The following CTNNB1 variants were observed in gnomAD, a reference collection of about 807,000 sequenced individuals.
CTNNB1 encodes catenin beta-1.
In CTNNB1, 6 loss-of-function variants were observed where a neutral mutation model predicts 82.5. That is an observed-to-expected ratio of 0.07 (90% CI 0.04 to 0.14). The LOEUF (loss-of-function observed/expected upper bound fraction) is 0.14, where lower values mean the gene tolerates loss of function less well. Ranked by LOEUF, CTNNB1 falls within the 10% of genes least tolerant of loss-of-function variation. The pLI is 1.00. For synonymous variants in CTNNB1, 312 were observed against 329.7 expected (o/e 0.95, Z 0.58); for missense variants, 529 against 980.4 (o/e 0.54, Z 6.15).
chr3:41,224,033 A>G lies in CTNNB1; in HGVS notation c.-36A>G, dbSNP rs534465078. The stretch of plus-strand genomic sequence containing the variant: ...TAACTTTTTTTAGGGTATTTGAAGT[A>G]TACCATACAACTGTTTTGAAAATCC... On this transcript the variant is annotated 5_prime_UTR_variant, in exon 2 of 15. Coordinates refer to ENST00000349496, the MANE Select transcript of CTNNB1 (RefSeq NM_001904.4). 275 of 1,611,286 alleles carry G rather than the reference A, an allele frequency of 1.7e-4. No individual in the cohort carries two copies. The highest frequency in any genetic ancestry group is 2.3e-4 in the Non-Finnish European group (266 of 1,177,458).
intron 1 of CTNNB1, among the ~76,000 whole-genome samples, chr3:41,203,863 C>A (rs907372395): frequency 1.3e-5 from 2 of 152,096 alleles, no homozygotes; most frequent in Admixed American, 1.3e-4. Flanking sequence ...GAAGCTTATT[C>A]TAAATTAGTT....
chr3:41,237,696 CCTTTT>C, intron 13 of CTNNB1: 1 of 210,852 alleles, frequency 4.7e-6, no homozygotes, highest in Non-Finnish European at 8.9e-6. Context: ...AGGCATTTTG[CCTTTT>C]TTTTTTTTTT....
chr3:41,223,577 G>T (rs1016882534), intron 1 of CTNNB1, among the ~76,000 whole-genome samples: 5 of 152,072 alleles, frequency 3.3e-5, no homozygotes, highest in African/African-American at 1.2e-4. Flanking sequence ...ACTTGTTAAA[G>T]AAAATGTGGA....
At chr3:41,211,087 C>G (rs764890679) in intron 1 of CTNNB1, 1 of 456,586 alleles carries the variant, frequency 2.2e-6, no homozygotes, top group Admixed American at 2.3e-5. Context: ...GCCACCATGT[C>G]TGGCCCACTG....
At chr3:41,231,343 G>A (rs62258386) in intron 7 of CTNNB1, among the ~76,000 whole-genome samples, 1 of 151,642 alleles carries the variant, frequency 6.6e-6, no homozygotes, top group African/African-American at 2.4e-5. Context: ...AAAAAAAAGG[G>A]AAAGAGATTG....
At chr3:41,224,122 G>T (rs775945275) in intron 2 of CTNNB1, 41 bp downstream of exon 2, 1 of 1,612,278 alleles carries the variant, frequency 6.2e-7, no homozygotes, top group South Asian at 1.1e-5. Context: ...TTGGGGCTCT[G>T]CTTCGTTGCC....
intron 1 of CTNNB1, among the ~76,000 whole-genome samples, chr3:41,216,896 CG>C (rs1300670272): frequency 6.6e-6 from 1 of 152,040 alleles, no homozygotes; most frequent in East Asian, 1.9e-4. Flanking sequence ...CACCATCCCC[CG>C]CTCACCTGGA....
chr3:41,230,092 A>C (rs980388159), intron 7 of CTNNB1, among the ~76,000 whole-genome samples: 3 of 152,196 alleles, frequency 2.0e-5, no homozygotes, highest in Non-Finnish European at 4.4e-5. Flanking sequence ...TACTTTTCTC[A>C]CTTATTGAGA....
chr3:41,236,258 A>C (rs1297498931), intron 11 of CTNNB1, 91 bp from the exon 12 acceptor site: 1 of 1,454,140 alleles, frequency 6.9e-7, no homozygotes, highest in African/African-American at 1.4e-5. Flanking sequence ...TGCCTCTTGC[A>C]CTCTGAATTG....
chr3:41,238,434 C>G (rs1317755842), intron 14 of CTNNB1: 1 of 238,138 alleles, frequency 4.2e-6, no homozygotes, highest in East Asian at 9.5e-5. Context: ...TGTTTCTAGG[C>G]TCAGATCTCG....
intron 1 of CTNNB1, among the ~76,000 whole-genome samples, chr3:41,214,407 AG>A (rs1559460771): frequency 2.0e-5 from 3 of 151,336 alleles, no homozygotes; most frequent in Non-Finnish European, 4.4e-5. Context: ...AAAAAAAAAA[AG>A]ATTTTAAAAA....
At chr3:41,229,353 A>G (rs191332474) in intron 7 of CTNNB1, among the ~76,000 whole-genome samples, 1 of 152,088 alleles carries the variant, frequency 6.6e-6, no homozygotes, top group African/African-American at 2.4e-5. Context: ...ATGTTTTTTC[A>G]TTTGTTGGTG....
intron 1 of CTNNB1, among the ~76,000 whole-genome samples, chr3:41,217,143 T>C (rs1370060395): frequency 6.6e-6 from 1 of 152,206 alleles, no homozygotes; most frequent in Non-Finnish European, 1.5e-5. Flanking sequence ...TCAAAACCTT[T>C]ACCACATTGA....
rs545245230 is a variant in CTNNB1 at position 41,227,548 on chromosome 3, C to A, written c.1081+196C>A. On this transcript the variant is annotated intron_variant, in intron 7 of 14. Coordinates refer to ENST00000349496, the MANE Select transcript of CTNNB1 (RefSeq NM_001904.4). Reference sequence around the variant, plus strand: ...ATTTAAGGCTAGTTTAGGTAGAGTTCTTATTATCCATCAAAAATGATGGCA... The same window carrying A: ...ATTTAAGGCTAGTTTAGGTAGAGTTATTATTATCCATCAAAAATGATGGCA... Among the ~76,000 whole-genome samples the A allele has an allele frequency of 5.4e-4, 82 of 152,232 alleles. 1 individual carries two copies. Among genetic ancestry groups the A allele is most frequent in the African/African-American group, 1.9e-3 (80 of 41,550 alleles).
chr3:41,201,610 A>G (rs2077531984), intron 1 of CTNNB1, among the ~76,000 whole-genome samples: 1 of 152,140 alleles, frequency 6.6e-6, no homozygotes, highest in South Asian at 2.1e-4. Flanking sequence ...TAGAAAGCTT[A>G]GTATAGCATG....
rs1210315931 is a variant in CTNNB1 at position 41,240,119 on chromosome 3, ATCAC to A, written c.*780_*783del. On this transcript the variant is annotated 3_prime_UTR_variant, in exon 15 of 15. Coordinates refer to ENST00000349496, the MANE Select transcript of CTNNB1 (RefSeq NM_001904.4). ...TAATGGTGTAGAACACTAATTCATA[ATCAC>A]TCTAATTAATTGTAATCTGAATAAA... 4 of 199,804 alleles carry A rather than the reference ATCAC, an allele frequency of 2.0e-5. No homozygotes were observed. Among genetic ancestry groups the A allele is most frequent in the African/African-American group, 7.1e-5 (3 of 42,034 alleles). The allele number at this position is 199,804 out of a possible 1,614,324, so 12.4% of individuals were successfully genotyped here.
intron 7 of CTNNB1, among the ~76,000 whole-genome samples, chr3:41,229,340 A>G (rs1004469872): frequency 6.6e-6 from 1 of 152,108 alleles, no homozygotes; most frequent in African/African-American, 2.4e-5. Context: ...GCCATGAAAT[A>G]GAATGTTTTT....
intron 6 of CTNNB1, among the ~76,000 whole-genome samples, chr3:41,226,164 A>G (rs2078171866): frequency 1.3e-5 from 2 of 152,300 alleles, no homozygotes; most frequent in South Asian, 2.1e-4. Context: ...AGCTCAAGCC[A>G]GGTAATGCTC....
At chr3:41,222,481 G>A (rs966715627) in intron 1 of CTNNB1, 3 of 152,162 alleles carry the variant, frequency 2.0e-5, no homozygotes, top group African/African-American at 7.2e-5. Flanking sequence ...TTTTATTTAT[G>A]TTGCATAAAT....
Sources: allele counts gnomAD v4.1 joint callset (sites outside exome capture counted in the v4.1 genomes callset), GRCh38; gene constraint gnomAD v4.1.1; transcripts MANE v1.5; gene names NCBI Gene and HGNC (gene_info 2026-07-23, HGNC 2026-07-21).